EIF4G3: variants seen among roughly 807,000 people sequenced by gnomAD.
EIF4G3 encodes eukaryotic translation initiation factor 4 gamma 3.
A neutral mutation model predicts 186.4 loss-of-function variants in EIF4G3; 34 were observed. The ratio of observed to expected loss-of-function variants is 0.18; its 90% CI spans 0.14 to 0.24. The LOEUF (loss-of-function observed/expected upper bound fraction) is 0.24, where lower values mean the gene tolerates loss of function less well. EIF4G3 is among the 10% of genes least tolerant of loss of function. The pLI, the probability that EIF4G3 is intolerant of heterozygous loss-of-function variation, is 1.00. For missense variants in EIF4G3, 1,536 were observed against 1,948.5 expected, an observed-to-expected ratio of 0.79 and a Z score of 3.99; for synonymous variants, 673 against 679.5, an observed-to-expected ratio of 0.99 and a Z score of 0.15.
intron 13 of EIF4G3, among the ~76,000 whole-genome samples, chr1:20,948,518 A>T (rs2096066167): frequency 6.6e-6 from 1 of 152,142 alleles, no homozygotes; most frequent in South Asian, 2.1e-4. Flanking sequence ...GCTTCTCAAT[A>T]CTCAGGGGGA....
intron 14 of EIF4G3, among the ~76,000 whole-genome samples, chr1:20,937,251 G>C (rs1204171118): frequency 1.3e-5 from 2 of 152,178 alleles, no homozygotes; most frequent in African/African-American, 4.8e-5. Flanking sequence ...GTTTCAACTG[G>C]ATGGAGAGAA....
chr1:21,154,797 C>T (rs1050415850), intron 2 of EIF4G3, among the ~76,000 whole-genome samples: 1 of 152,140 alleles, frequency 6.6e-6, no homozygotes, highest in African/African-American at 2.4e-5. Context: ...ATCTCTTTAG[C>T]AGTATGATAA....
chr1:21,055,995 T>A (rs1238579437), intron 3 of EIF4G3, among the ~76,000 whole-genome samples: 10 of 152,166 alleles, frequency 6.6e-5, no homozygotes, highest in Non-Finnish European at 1.5e-5. Context: ...AAAACTATTA[T>A]ATTGCCCCAT....
chr1:21,015,707 G>A (rs1476184359), intron 4 of EIF4G3, among the ~76,000 whole-genome samples: 1 of 145,012 alleles, frequency 6.9e-6, no homozygotes, highest in Non-Finnish European at 1.5e-5. Flanking sequence ...GCAGAAACTT[G>A]CAGACCAGAA....
rs569119228 is a variant in EIF4G3, at chr1:20,928,015, G to A, written c.1663+13476C>T. ...TGGGACTACAAGCACACACCACCAT[G>A]CTTGGCTAATTTTTTATTTTTTTGT... On this transcript the variant is annotated intron_variant, in intron 14 of 36. Coordinates refer to ENST00000602326, the MANE Select transcript of EIF4G3 (RefSeq NM_001391906.1). 2.2e-3 allele frequency among the ~76,000 whole-genome samples: 334 copies of A among 152,054 alleles called. 1 individual carries two copies. Among genetic ancestry groups the A allele is most frequent in the African/African-American group, 7.5e-3 (309 of 41,450 alleles).
At chr1:20,953,970 G>A (rs2096313128) in intron 12 of EIF4G3, among the ~76,000 whole-genome samples, 1 of 152,162 alleles carries the variant, frequency 6.6e-6, no homozygotes, top group Non-Finnish European at 1.5e-5. Context: ...ATCGAAGAGT[G>A]CTAAAAGAGA....
intron 4 of EIF4G3, among the ~76,000 whole-genome samples, chr1:21,020,437 C>G (rs953703173): frequency 6.6e-6 from 1 of 151,986 alleles, no homozygotes; most frequent in Non-Finnish European, 1.5e-5. Context: ...TTGCAGTGAG[C>G]CAAGATCATG....
At chr1:20,958,810 A>C (rs1055833017) in intron 12 of EIF4G3, among the ~76,000 whole-genome samples, 3 of 152,160 alleles carry the variant, frequency 2.0e-5, no homozygotes, top group Non-Finnish European at 4.4e-5. Context: ...CAGCTGCAAA[A>C]ATAAAATGAA....
intron 8 of EIF4G3, among the ~76,000 whole-genome samples, chr1:20,981,718 C>CATAT (rs776905263): frequency 8.5e-5 from 12 of 141,262 alleles, no homozygotes; most frequent in Non-Finnish European, 1.1e-4. Flanking sequence ...TGTATACATA[C>CATAT]ATGTATACGC....
At chr1:21,175,925 A>G in intron 2 of EIF4G3, 1 of 203,062 alleles carries the variant, frequency 4.9e-6, no homozygotes, top group Non-Finnish European at 9.7e-6. Context: ...AAGCTCTAAA[A>G]GGAAGGGGCT....
chr1:20,884,199 A>C (rs1055221481), intron 19 of EIF4G3, among the ~76,000 whole-genome samples: 2 of 152,238 alleles, frequency 1.3e-5, no homozygotes, highest in Admixed American at 6.5e-5. Flanking sequence ...TGTTTTATCT[A>C]CTTACTAAAG....
chr1:20,914,386 CAG>C (rs914197347), intron 14 of EIF4G3, among the ~76,000 whole-genome samples: 1 of 151,972 alleles, frequency 6.6e-6, no homozygotes, highest in African/African-American at 2.4e-5. Flanking sequence ...AGGAGAAACA[CAG>C]AGAGATTTGA....
chr1:20,815,456 G>A (rs1289279490), intron 34 of EIF4G3, among the ~76,000 whole-genome samples: 142 of 149,694 alleles, frequency 9.5e-4, no homozygotes, highest in African/African-American at 3.3e-3. Flanking sequence ...TGTGAGGAGC[G>A]CCTCTGCTGG....
At chr1:20,940,959 C>T (rs1012374277) in intron 14 of EIF4G3, among the ~76,000 whole-genome samples, 2 of 152,136 alleles carry the variant, frequency 1.3e-5, no homozygotes, top group South Asian at 4.1e-4. Flanking sequence ...GAACGTTAAG[C>T]TTACCTGCAA....
intron 34 of EIF4G3, among the ~76,000 whole-genome samples, chr1:20,814,748 TCTCCCCCTCCCCCTCCCCCTCCCC>T (rs1236376172): frequency 1.0e-3 from 8 of 7,904 alleles, no homozygotes; most frequent in Non-Finnish European, 2.1e-3. Flanking sequence ...TAAAAATTCA[TCTCCCCCTCCCCCTCCCCCTCCCC>T]CTCCCCCTCC....
intron 3 of EIF4G3, among the ~76,000 whole-genome samples, chr1:21,055,907 G>A (rs1446698930): frequency 1.3e-5 from 2 of 152,094 alleles, no homozygotes; most frequent in Admixed American, 1.3e-4. Context: ...CTGTAAAGAG[G>A]TACTGACATA....
intron 18 of EIF4G3, chr1:20,892,583 A>G: frequency 7.7e-7 from 1 of 1,294,414 alleles, no homozygotes; most frequent in South Asian, 1.3e-5. Context: ...ATAACACCAG[A>G]GACTATTATT....
chr1:20,968,387 C>T (rs187262597), intron 12 of EIF4G3, among the ~76,000 whole-genome samples: 1 of 152,222 alleles, frequency 6.6e-6, no homozygotes, highest in Admixed American at 6.5e-5. Flanking sequence ...ACCATGTTGG[C>T]TAGATTGGTC....
intron 2 of EIF4G3, among the ~76,000 whole-genome samples, chr1:21,168,782 C>A (rs548636127): frequency 4.6e-5 from 7 of 151,968 alleles, no homozygotes; most frequent in African/African-American, 1.7e-4. Flanking sequence ...AGATACAAAA[C>A]TAGGTACATA....
Sources: allele counts gnomAD v4.1 joint callset (sites outside exome capture counted in the v4.1 genomes callset), GRCh38; gene constraint gnomAD v4.1.1; transcripts MANE v1.5; gene names NCBI Gene and HGNC (gene_info 2026-07-23, HGNC 2026-07-21).